The following TMEM236 variants were observed in gnomAD, a reference collection of about 807,000 sequenced individuals.
TMEM236 encodes transmembrane protein 236.
TMEM236 carries 11 observed loss-of-function variants against 14.7 expected under a neutral mutation model. That is an observed-to-expected ratio of 0.75 (90% CI 0.47 to 1.24). The LOEUF is 1.24. Among genes scored for constraint, TMEM236 ranks in the 50% most tolerant of loss-of-function variants. TMEM236 has a pLI of 0.00. For synonymous variants in TMEM236, 182 were observed against 168.6 expected, an observed-to-expected ratio of 1.08 and a Z score of -0.62; for missense variants, 464 against 427.3, an observed-to-expected ratio of 1.09 and a Z score of -0.76.
At chr10:17,753,749 T>G (rs1554833563) in intron 1 of TMEM236, among the ~76,000 whole-genome samples, 1 of 152,252 alleles carries the variant, frequency 6.6e-6, no homozygotes, top group Non-Finnish European at 1.5e-5. Context: ...TTTATATTCC[T>G]TTGGGTATAT....
intron 1 of TMEM236, among the ~76,000 whole-genome samples, chr10:17,754,317 T>C (rs1837251624): frequency 6.6e-6 from 1 of 152,186 alleles, no homozygotes; most frequent in East Asian, 1.9e-4. Flanking sequence ...TTTAGACTTT[T>C]TATTTACTTA....
chr10:17,769,572 A>G (rs1837533285), intron 1 of TMEM236, among the ~76,000 whole-genome samples: 1 of 152,288 alleles, frequency 6.6e-6, no homozygotes, highest in African/African-American at 2.4e-5. Context: ...AGAAGAAGAG[A>G]ACTTTATGAG....
At chr10:17,781,933 A>T (rs1355553456) in intron 3 of TMEM236, among the ~76,000 whole-genome samples, 1 of 152,130 alleles carries the variant, frequency 6.6e-6, no homozygotes, top group Non-Finnish European at 1.5e-5. Flanking sequence ...AAAATCATTA[A>T]CCTAGGGCTT....
At chr10:17,789,813 A>G (rs1554835934) in intron 3 of TMEM236, among the ~76,000 whole-genome samples, 1 of 152,046 alleles carries the variant, frequency 6.6e-6, no homozygotes, top group Non-Finnish European at 1.5e-5. Flanking sequence ...CGAGGTCAGG[A>G]GATTGAGACC....
rs956985782 is a variant in TMEM236 at position 17,796,276 on chromosome 10, T to A, written c.828T>A (p.Ser276=). 169 of 1,613,958 alleles carry A rather than the reference T, an allele frequency of 1.0e-4. 2 individuals carry two copies. In the South Asian group the frequency reaches 1.2e-3, roughly 11 times the overall value. The change falls in exon 4 of 4, where the codon TCT becomes TCA. Residue 276 remains serine (S), a synonymous_variant. Coordinates refer to ENST00000377495, the MANE Select transcript of TMEM236 (RefSeq NM_001098844.3). ...LYPVYIFSFI[S]LLRITFTPQN... ...CAGTCTACATATTCAGTTTTATTTCTCTCCTTCGAATTACATTCACTCCCC... is the reference window on the plus strand; with the variant it reads ...CAGTCTACATATTCAGTTTTATTTCACTCCTTCGAATTACATTCACTCCCC...
At chr10:17,759,982 CAAAAAAAAAAA>C (rs35596189) in intron 1 of TMEM236, among the ~76,000 whole-genome samples, 6 of 54,702 alleles carry the variant, frequency 1.1e-4, no homozygotes, top group African/African-American at 2.2e-4. Context: ...GACTCCGTCT[CAAAAAAAAAAA>C]AAAAAAAAAA....
intron 1 of TMEM236, among the ~76,000 whole-genome samples, chr10:17,769,059 A>G (rs1243421251): frequency 2.6e-5 from 4 of 152,178 alleles, no homozygotes; most frequent in Admixed American, 2.6e-4. Context: ...CCCATTAACC[A>G]ATAACCCCTT....
At chr10:17,772,115 G>A (rs1837582536) in intron 2 of TMEM236, among the ~76,000 whole-genome samples, 1 of 152,162 alleles carries the variant, frequency 6.6e-6, no homozygotes, top group South Asian at 2.1e-4. Flanking sequence ...TAGGTACAGG[G>A]CATAGGGGAC....
In TMEM236 at chr10:17,796,192, G is replaced by T; in HGVS notation, c.744G>T (p.Thr248=). 4 of 1,613,936 alleles carry T rather than the reference G, an allele frequency of 2.5e-6. No homozygotes were observed. The highest frequency in any genetic ancestry group is 1.1e-5 in the South Asian group (1 of 91,072). ...GGAGCTTTCTCCTGTGGTCTGACAC[G>T]ATAGAAATGGTGCGTGTGGCTGGTC... ...FLWSFLLWSD[T]IEMVRVAGHP... Residue 248 remains threonine, a synonymous_variant, in exon 4 of 4, where the codon ACG becomes ACT. Coordinates refer to ENST00000377495, the MANE Select transcript of TMEM236 (RefSeq NM_001098844.3).
intron 3 of TMEM236, among the ~76,000 whole-genome samples, chr10:17,790,158 A>G (rs1249951546): frequency 2.0e-5 from 3 of 152,204 alleles, no homozygotes; most frequent in Non-Finnish European, 2.9e-5. Flanking sequence ...TTTGCCCAGG[A>G]CATCAAAGCT....
chr10:17,756,023 T>G (rs1837279198), intron 1 of TMEM236, among the ~76,000 whole-genome samples: 1 of 152,148 alleles, frequency 6.6e-6, no homozygotes, highest in African/African-American at 2.4e-5. Context: ...TCCCAACACT[T>G]TGGGAGGCCA....
intron 1 of TMEM236, among the ~76,000 whole-genome samples, chr10:17,768,993 CTG>C (rs1837523963): frequency 6.6e-6 from 1 of 152,128 alleles, no homozygotes; most frequent in Non-Finnish European, 1.5e-5. Context: ...TGTTGTGTGA[CTG>C]TTGCCACCAT....
intron 1 of TMEM236, among the ~76,000 whole-genome samples, chr10:17,765,950 G>A (rs1837455709): frequency 6.6e-6 from 1 of 152,230 alleles, no homozygotes; most frequent in Non-Finnish European, 1.5e-5. Flanking sequence ...AGTCCTAGAA[G>A]TCCAACAGCA....
At chr10:17,785,457 C>A (rs1301750805) in intron 3 of TMEM236, among the ~76,000 whole-genome samples, 1 of 152,128 alleles carries the variant, frequency 6.6e-6, no homozygotes, top group Non-Finnish European at 1.5e-5. Context: ...AATCCAAATT[C>A]TTAAAGGGAA....
intron 1 of TMEM236, among the ~76,000 whole-genome samples, chr10:17,753,385 A>T (rs1017834405): frequency 6.6e-6 from 1 of 152,028 alleles, no homozygotes; most frequent in African/African-American, 2.4e-5. Flanking sequence ...GTTTTTCCTG[A>T]TCCTCTCCCT....
intron 3 of TMEM236, among the ~76,000 whole-genome samples, chr10:17,784,950 T>C (rs1837809905): frequency 6.6e-6 from 1 of 152,102 alleles, no homozygotes. Context: ...CTGGGGCCAA[T>C]CCAGATAATG....
rs1181734908 is a variant in TMEM236, at chr10:17,768,085, G to GTTTTTTTTTTTTTTTTTTTTTTTTTTTT, written c.258-3224_258-3223insTTTTTTTTTTTTTTTTTTTTTTTTTTTT. Among the ~76,000 whole-genome samples the GTTTTTTTTTTTTTTTTTTTTTTTTTTTT allele has an allele frequency of 2.4e-4, 24 of 98,828 alleles. 5 individuals carry two copies. The highest frequency in any genetic ancestry group is 8.1e-4 in the African/African-American group (20 of 24,818). 64.8% of individuals were successfully genotyped at this position (98,828 alleles called of 152,430 possible). ...ACCACCACACCTCGCTAATTTTTGT[G>GTTTTTTTTTTTTTTTTTTTTTTTTTTTT]GTTTTTTTTTTTTTTTTTTTTTTGT... On this transcript the variant is annotated intron_variant, in intron 1 of 3. Transcript: ENST00000377495.
At chr10:17,790,705 T>C (rs34759965) in intron 3 of TMEM236, among the ~76,000 whole-genome samples, 11,370 of 152,324 alleles carry the variant, frequency 0.075, 561 homozygotes, top group Non-Finnish European at 0.11. Context: ...GGACTGGTAA[T>C]TTTCTTCTGC....
At chr10:17,778,667 A>G (rs1237846923) in intron 3 of TMEM236, among the ~76,000 whole-genome samples, 4 of 152,204 alleles carry the variant, frequency 2.6e-5, no homozygotes, top group Non-Finnish European at 4.4e-5. Flanking sequence ...AAATGCATAC[A>G]TGTCTGTCAG....
Sources: gnomAD v4.1 joint callset for allele counts (sites outside exome capture counted in the v4.1 genomes callset) on GRCh38, gnomAD v4.1.1 for gene constraint, MANE v1.5 for transcripts, NCBI Gene and HGNC (gene_info 2026-07-23, HGNC 2026-07-21) for gene names.